SKIC3: variants seen among roughly 807,000 people sequenced by gnomAD.
SKIC3 encodes SKI3 subunit of superkiller complex.
the SKIC3 span, chr5:95,513,062 A>C: frequency 5.5e-6 from 1 of 183,400 alleles, no homozygotes; most frequent in African/African-American, 2.4e-5. Context: ...TTAAATCTAA[A>C]CATCATTTCT....
the SKIC3 span, among the ~76,000 whole-genome samples, chr5:95,466,494 T>C: frequency 3.3e-5 from 5 of 152,142 alleles, no homozygotes; most frequent in African/African-American, 1.2e-4. Context: ...AAGAAAAAAT[T>C]GTGCATTCCA....
At chr5:95,541,344 T>C in the SKIC3 span, 1 of 1,613,670 alleles carries the variant, frequency 6.2e-7, no homozygotes, top group Non-Finnish European at 8.5e-7. Context: ...GATCCACAAG[T>C]TTCTTGCAGA....
chr5:95,554,249 T>G, the SKIC3 span, among the ~76,000 whole-genome samples: 1 of 152,280 alleles, frequency 6.6e-6, no homozygotes, highest in Middle Eastern at 3.4e-3. Context: ...AGTATTCAGT[T>G]GACTTAAGTA....
At chr5:95,475,218 T>A in the SKIC3 span, among the ~76,000 whole-genome samples, 1 of 152,188 alleles carries the variant, frequency 6.6e-6, no homozygotes, top group Non-Finnish European at 1.5e-5. Context: ...TTCTTTCTCA[T>A]CTGGGAGGGT....
chr5:95,514,816 T>C, the SKIC3 span: 3 of 1,596,896 alleles, frequency 1.9e-6, no homozygotes, highest in Non-Finnish European at 2.6e-6. Context: ...GTTATTGATA[T>C]CAACAAGCTT....
chr5:95,529,993 T>G, the SKIC3 span: 1 of 1,497,008 alleles, frequency 6.7e-7, no homozygotes, highest in African/African-American at 1.4e-5. Flanking sequence ...CCTTCCACCT[T>G]AGATAGACAT....
the SKIC3 span, chr5:95,509,648 C>T: frequency 6.2e-7 from 1 of 1,613,820 alleles, no homozygotes; most frequent in Non-Finnish European, 8.5e-7. Flanking sequence ...GTTTAAGTAA[C>T]CCAACATTGT....
At chr5:95,489,982 T>C in the SKIC3 span, among the ~76,000 whole-genome samples, 8 of 152,204 alleles carry the variant, frequency 5.3e-5, no homozygotes, top group Admixed American at 2.0e-4. Context: ...GTAATGATGC[T>C]TAACATTTAC....
At chr5:95,518,556 T>C in the SKIC3 span, among the ~76,000 whole-genome samples, 111 of 152,148 alleles carry the variant, frequency 7.3e-4, no homozygotes, top group Middle Eastern at 3.4e-3. Flanking sequence ...TAAGCACATA[T>C]GGTGGTTAAC....
chr5:95,516,201 T>A, the SKIC3 span: 1 of 736,152 alleles, frequency 1.4e-6, no homozygotes. Flanking sequence ...CGACATAAAT[T>A]GAATATCATC....
chr5:95,498,727 G>A, the SKIC3 span: 8 of 793,378 alleles, frequency 1.0e-5, no homozygotes, highest in East Asian at 2.8e-5. Context: ...CCAGGTTCAC[G>A]CCATTCTCCT....
the SKIC3 span, chr5:95,536,474 C>G: frequency 3.8e-4 from 99 of 257,362 alleles, 1 homozygote; most frequent in East Asian, 3.2e-3. Flanking sequence ...AAAAATGCAC[C>G]TAGCTCCACA....
chr5:95,464,559 C>A, the SKIC3 span: 1 of 1,427,608 alleles, frequency 7.0e-7, no homozygotes, highest in South Asian at 1.2e-5. Context: ...TTCATTGCTT[C>A]ATTCTTACAG....
At chr5:95,508,213 C>T in the SKIC3 span, among the ~76,000 whole-genome samples, 1 of 152,060 alleles carries the variant, frequency 6.6e-6, no homozygotes, top group Non-Finnish European at 1.5e-5. Context: ...ATTCAGGACA[C>T]CTCAATTATT....
At chr5:95,539,011 T>C in the SKIC3 span, among the ~76,000 whole-genome samples, 10 of 152,194 alleles carry the variant, frequency 6.6e-5, no homozygotes, top group African/African-American at 2.2e-4. Flanking sequence ...GAGAATGAAA[T>C]TCTGATACCA....
At chr5:95,493,600 T>G in the SKIC3 span, among the ~76,000 whole-genome samples, 2 of 152,090 alleles carry the variant, frequency 1.3e-5, no homozygotes, top group Admixed American at 1.3e-4. Flanking sequence ...CAACAGAATA[T>G]TGACTTTTTT....
chr5:95,510,568 G>A, the SKIC3 span, among the ~76,000 whole-genome samples: 1 of 152,142 alleles, frequency 6.6e-6, no homozygotes, highest in Non-Finnish European at 1.5e-5. Flanking sequence ...TGATAAACTG[G>A]CTCATCTGAT....
At chr5:95,515,444 C>T in the SKIC3 span, among the ~76,000 whole-genome samples, 1 of 151,840 alleles carries the variant, frequency 6.6e-6, no homozygotes, top group Non-Finnish European at 1.5e-5. Flanking sequence ...GCTTTTTTTT[C>T]TGCTACAAAA....
the SKIC3 span, chr5:95,512,849 C>T: frequency 4.0e-6 from 2 of 494,812 alleles, no homozygotes; most frequent in Non-Finnish European, 7.1e-6. Context: ...GGATAAAATG[C>T]AGAAAACAGA....
Sources: gnomAD v4.1 joint callset for allele counts (sites outside exome capture counted in the v4.1 genomes callset) on GRCh38, gnomAD v4.1.1 for gene constraint, MANE v1.5 for transcripts, NCBI Gene and HGNC (gene_info 2026-07-23, HGNC 2026-07-21) for gene names.